The following TOP1 variants were observed in gnomAD, a reference collection of about 807,000 sequenced individuals.
TOP1 encodes the protein DNA topoisomerase 1.
Under a neutral mutation model 111.1 loss-of-function variants are expected in TOP1, and 10 were observed. The ratio of observed to expected loss-of-function variants is 0.09; its 90% CI spans 0.06 to 0.15. TOP1 has a LOEUF of 0.15. TOP1 is among the 10% of genes least tolerant of loss of function. TOP1 has a pLI of 1.00. For synonymous variants in TOP1, 271 were observed against 302.9 expected, an observed-to-expected ratio of 0.89 and a Z score of 1.10; for missense variants, 474 against 926.7, an observed-to-expected ratio of 0.51 and a Z score of 6.34.
chr20:41,064,015 T>C (rs1482959054), intron 3 of TOP1, among the ~76,000 whole-genome samples: 4 of 152,012 alleles, frequency 2.6e-5, no homozygotes, highest in Non-Finnish European at 5.9e-5. Context: ...ATTGCCTAGG[T>C]TGTCGTCTAG....
At chr20:41,107,910 C>T (rs2034173209) in intron 13 of TOP1, among the ~76,000 whole-genome samples, 1 of 152,228 alleles carries the variant, frequency 6.6e-6, no homozygotes, top group Non-Finnish European at 1.5e-5. Context: ...CAAGTCCCCC[C>T]TTCTTGCATG....
chr20:41,096,179 G>A (rs2033979665), intron 9 of TOP1, among the ~76,000 whole-genome samples: 1 of 152,180 alleles, frequency 6.6e-6, no homozygotes. Flanking sequence ...CGATTCTCAT[G>A]CCTCAGCCTC....
chr20:41,098,199 A>G lies in TOP1; in HGVS notation c.853-16A>G. On this transcript the variant is annotated splice_polypyrimidine_tract_variant and intron_variant, in intron 10 of 20. Coordinates refer to ENST00000361337, the MANE Select transcript of TOP1 (RefSeq NM_003286.4). The surrounding 1 kb of genome is among the most constrained non-coding windows in gnomAD (Gnocchi z 5.7). ...TTCGTTGTTTTTCTTTCATCTCCCC[A>G]TTTTCTTTTGACTAGGAAATGACTA... 1.2e-6 allele frequency: 2 copies of G among 1,613,294 alleles called. No homozygotes were observed. Among genetic ancestry groups the G allele is most frequent in the African/African-American group, 1.3e-5 (1 of 74,954 alleles).
intron 8 of TOP1, among the ~76,000 whole-genome samples, chr20:41,091,063 A>T (rs1031113741): frequency 5.3e-5 from 8 of 152,204 alleles, no homozygotes; most frequent in Admixed American, 2.0e-4. Flanking sequence ...CTTGTTGTAA[A>T]TCATTTGACC....
chr20:41,063,991 A>G (rs916500913), intron 3 of TOP1, among the ~76,000 whole-genome samples: 6 of 151,624 alleles, frequency 4.0e-5, no homozygotes, highest in African/African-American at 9.8e-5. Context: ...GCTCGTTCCT[A>G]TGTCCAGAAT....
rs558569739 is a variant in TOP1 at position 41,116,016 on chromosome 20, G to A, written c.1708-262G>A. ...GAGCCCGGGAGGTGGAGGCAGCAGTGAACCGAGATTGTACCACTGCACTCC... is the reference window on the plus strand; with the variant it reads ...GAGCCCGGGAGGTGGAGGCAGCAGTAAACCGAGATTGTACCACTGCACTCC... On this transcript the variant is annotated intron_variant, in intron 16 of 20. Coordinates refer to ENST00000361337, the MANE Select transcript of TOP1 (RefSeq NM_003286.4). The surrounding 1 kb of genome is among the most constrained non-coding windows in gnomAD (Gnocchi z 5.6). Among the ~76,000 whole-genome samples, 1 of 152,278 alleles carries A rather than the reference G, an allele frequency of 6.6e-6. No homozygotes were observed. The highest frequency in any genetic ancestry group is 6.5e-5 in the Admixed American group (1 of 15,300).
intron 8 of TOP1, among the ~76,000 whole-genome samples, chr20:41,090,184 A>C (rs942018303): frequency 4.6e-5 from 7 of 152,204 alleles, no homozygotes; most frequent in Non-Finnish European, 1.0e-4. Context: ...CATGTTGGCC[A>C]GGCTGGTCTC....
intron 13 of TOP1, among the ~76,000 whole-genome samples, chr20:41,105,754 C>G (rs1243321421): frequency 6.6e-6 from 1 of 152,234 alleles, no homozygotes; most frequent in African/African-American, 2.4e-5. Flanking sequence ...CTCAGCTGCA[C>G]AAAGTGCTGG....
intron 14 of TOP1, among the ~76,000 whole-genome samples, chr20:41,113,131 C>G (rs1016090850): frequency 3.3e-5 from 5 of 152,148 alleles, no homozygotes; most frequent in Admixed American, 2.0e-4. Flanking sequence ...CTATTTCATT[C>G]CTTTAGAAAG....
At chr20:41,088,212 T>C (rs2033870802) in intron 8 of TOP1, among the ~76,000 whole-genome samples, 1 of 152,150 alleles carries the variant, frequency 6.6e-6, no homozygotes, top group Admixed American at 6.5e-5. Context: ...TTAAAAACAC[T>C]GTAGGGCCGG....
rs140706578 is a variant in TOP1, at chr20:41,114,521, C to G, written c.1638+366C>G. 7.8e-4 allele frequency among the ~76,000 whole-genome samples: 119 copies of G among 152,380 alleles called. No individual in the cohort carries two copies. The highest frequency in any genetic ancestry group is 1.4e-3 in the Admixed American group (22 of 15,310). ...CTTTTAGTCACTGTTCCGCCCTGTGCTACCTTCCTGGTAAGGAGTGGCCTT... is the reference window on the plus strand; with the variant it reads ...CTTTTAGTCACTGTTCCGCCCTGTGGTACCTTCCTGGTAAGGAGTGGCCTT... On this transcript the variant is annotated intron_variant, in intron 15 of 20. Coordinates refer to ENST00000361337, the MANE Select transcript of TOP1 (RefSeq NM_003286.4). This position sits in a 1 kb window ranked among gnomAD's most constrained non-coding sequence, Gnocchi z 4.5.
rs1000891083 is a variant in TOP1 at position 41,097,936 on chromosome 20, T to G, written c.853-279T>G. Among the ~76,000 whole-genome samples, 1 of 152,216 alleles carries G rather than the reference T, an allele frequency of 6.6e-6. No individual in the cohort carries two copies. On this transcript the variant is annotated intron_variant, in intron 10 of 20. Coordinates refer to ENST00000361337, the MANE Select transcript of TOP1 (RefSeq NM_003286.4). This position sits in a 1 kb window ranked among gnomAD's most constrained non-coding sequence, Gnocchi z 4.2. Reference sequence around the variant, plus strand: ...ATTTCAAACTTGTATTCATAATGCCTGGGGGCTGTGTGCCACGGAGTCTAA... The same window carrying G: ...ATTTCAAACTTGTATTCATAATGCCGGGGGGCTGTGTGCCACGGAGTCTAA...
At chr20:41,064,075 A>G (rs1405487888) in intron 3 of TOP1, among the ~76,000 whole-genome samples, 1 of 152,112 alleles carries the variant, frequency 6.6e-6, no homozygotes, top group East Asian at 1.9e-4. Flanking sequence ...TTCATCTTGA[A>G]TTGATTTTTG....
Position 41,095,398 on chromosome 20 carries a change from T to C in TOP1, c.731-1822T>C, listed in dbSNP as rs1198063924. ...TTTACATTTTTTTCTTGCCATTTTATTTCATTTATTTTATTCCTAATGACT... is the reference window on the plus strand; with the variant it reads ...TTTACATTTTTTTCTTGCCATTTTACTTCATTTATTTTATTCCTAATGACT... On this transcript the variant is annotated intron_variant, in intron 9 of 20. Coordinates refer to ENST00000361337, the MANE Select transcript of TOP1 (RefSeq NM_003286.4). This position sits in a 1 kb window ranked among gnomAD's most constrained non-coding sequence, Gnocchi z 4.6. Among the ~76,000 whole-genome samples, 1 of 152,200 alleles carries C rather than the reference T, an allele frequency of 6.6e-6. No homozygotes were observed. The highest frequency in any genetic ancestry group is 2.4e-5 in the African/African-American group (1 of 41,444).
chr20:41,053,665 G>A (rs993283498), intron 2 of TOP1, among the ~76,000 whole-genome samples: 4 of 152,128 alleles, frequency 2.6e-5, no homozygotes, highest in African/African-American at 7.2e-5. Flanking sequence ...ATTATGATGC[G>A]ATAGAAACTG....
At chr20:41,052,785 G>A (rs1284997752) in intron 2 of TOP1, among the ~76,000 whole-genome samples, 1 of 152,184 alleles carries the variant, frequency 6.6e-6, no homozygotes, top group Non-Finnish European at 1.5e-5. Context: ...GAGGTCAGGA[G>A]TTCGAGACCA....
intron 3 of TOP1, chr20:41,072,740 A>G (rs892962060): frequency 3.0e-6 from 3 of 985,294 alleles, no homozygotes; most frequent in Non-Finnish European, 1.2e-6. Context: ...ACAAGTAGGG[A>G]TGATCACATT....
At chr20:41,054,408 T>G (rs1021404433) in intron 2 of TOP1, among the ~76,000 whole-genome samples, 1 of 152,142 alleles carries the variant, frequency 6.6e-6, no homozygotes, top group African/African-American at 2.4e-5. Flanking sequence ...TCCTGAGGCC[T>G]TCCCAGCTCT....
Position 41,045,308 on chromosome 20 carries a change from C to T in TOP1, c.58+15853C>T, listed in dbSNP as rs139458511. ...CTTGGAATTTAAAAATCCAAAGACA[C>T]GTGTGAATTTGATGTTATGAGTTTG... On this transcript the variant is annotated intron_variant, in intron 2 of 20. Coordinates refer to ENST00000361337, the MANE Select transcript of TOP1 (RefSeq NM_003286.4). 2.2e-4 allele frequency among the ~76,000 whole-genome samples: 33 copies of T among 152,184 alleles called. No individual in the cohort carries two copies. The East Asian group carries it at 5.8e-3, about 27-fold the overall frequency.
Sources: allele counts gnomAD v4.1 joint callset (sites outside exome capture counted in the v4.1 genomes callset), GRCh38; gene constraint gnomAD v4.1.1; non-coding constraint Gnocchi (gnomAD v3.1); transcripts MANE v1.5; gene names NCBI Gene and HGNC (gene_info 2026-07-23, HGNC 2026-07-21).